The following CDS2 variants were observed in gnomAD, a reference collection of about 807,000 sequenced individuals.
CDS2 encodes CDP-diacylglycerol synthase 2.
A neutral mutation model predicts 59.0 loss-of-function variants in CDS2; 47 were observed. That is an observed-to-expected ratio of 0.80 (90% confidence interval 0.63 to 1.02). The LOEUF (loss-of-function observed/expected upper bound fraction) is 1.02. Ranked by LOEUF, CDS2 falls within the 50% of genes least tolerant of loss-of-function variation. The pLI is 0.00. For missense variants in CDS2, 356 were observed against 558.9 expected (o/e 0.64, Z 3.66); for synonymous variants, 207 against 206.4 (o/e 1.00, Z -0.02).
intron 1 of CDS2, among the ~76,000 whole-genome samples, chr20:5,166,905 G>GA (rs2090917335): frequency 2.6e-5 from 4 of 152,240 alleles, no homozygotes; most frequent in Non-Finnish European, 5.9e-5. Flanking sequence ...GTTTACCCAT[G>GA]AAGTGGGGAA....
At chr20:5,166,169 A>G (rs988021324) in intron 1 of CDS2, among the ~76,000 whole-genome samples, 2 of 152,116 alleles carry the variant, frequency 1.3e-5, no homozygotes, top group African/African-American at 4.8e-5. Context: ...AGGAGGGATG[A>G]TGTTGGCTTG....
At chr20:5,137,195 C>T (rs979338204) in intron 1 of CDS2, among the ~76,000 whole-genome samples, 1 of 151,208 alleles carries the variant, frequency 6.6e-6, no homozygotes, top group African/African-American at 2.4e-5. Context: ...TTGATTCTTG[C>T]TCTTTCCTAC....
chr20:5,160,252 A>C (rs1600491353), intron 1 of CDS2, among the ~76,000 whole-genome samples: 2 of 152,348 alleles, frequency 1.3e-5, no homozygotes, highest in East Asian at 3.9e-4. Flanking sequence ...TTAGCCCTGC[A>C]ACTACTTAAC....
At position 5,184,980 on chromosome 20, in the gene CDS2, G is replaced by A. The variant is rs1303318732; in HGVS notation, c.759+35G>A. Reference sequence around the variant, plus strand: ...TTACCCTAATGTGAAATACCACTGTGAGGGGAGGGTGGTGCTCTCAATGTG... The same window carrying A: ...TTACCCTAATGTGAAATACCACTGTAAGGGGAGGGTGGTGCTCTCAATGTG... On this transcript the variant is annotated intron_variant, in intron 8 of 12. Transcript: ENST00000460006. The surrounding 1 kb of genome is among the most constrained non-coding windows in gnomAD (Gnocchi z 4.3). 6.9e-7 allele frequency: 1 copy of A among 1,457,778 alleles called. No homozygotes were observed. The highest frequency in any genetic ancestry group is 2.3e-5 in the East Asian group (1 of 44,130). 90.3% of individuals were successfully genotyped at this position (1,457,778 alleles called of 1,614,324 possible). A position where few individuals can be genotyped will look rare whatever the true frequency, so the allele number is the denominator to read the frequency against.
intron 1 of CDS2, among the ~76,000 whole-genome samples, chr20:5,150,197 T>C (rs2090777560): frequency 6.6e-6 from 1 of 152,218 alleles, no homozygotes; most frequent in South Asian, 2.1e-4. Context: ...AGGGTGTGGC[T>C]TTGTGTTGGC....
intron 1 of CDS2, chr20:5,168,729 T>C: frequency 2.1e-6 from 1 of 484,402 alleles, no homozygotes; most frequent in East Asian, 5.9e-5. Context: ...AGAGAGTTGA[T>C]AGTGAAAATG....
In CDS2 at chr20:5,193,130, A is replaced by C. The variant is rs1208314465; in HGVS notation, c.*2896A>C. 1.3e-5 allele frequency: 2 copies of C among 152,178 alleles called. No individual in the cohort carries two copies. The highest frequency in any genetic ancestry group is 1.3e-4 in the Admixed American group (2 of 15,288). 9.4% of individuals were successfully genotyped at this position (152,178 alleles called of 1,614,324 possible). The stretch of plus-strand genomic sequence containing the variant: ...CCAGCCCCTGGGAGCTCTGCTCATG[A>C]CCGCTCACAGGGTACCGAGTCTTTG... On this transcript the variant is annotated 3_prime_UTR_variant, in exon 13 of 13. Coordinates refer to ENST00000460006, the MANE Select transcript of CDS2 (RefSeq NM_003818.4).
chr20:5,162,986 A>G (rs528078265), intron 1 of CDS2, among the ~76,000 whole-genome samples: 11 of 152,360 alleles, frequency 7.2e-5, no homozygotes, highest in African/African-American at 2.6e-4. Flanking sequence ...TTTAGTCTCC[A>G]GAGCCTAGGG....
intron 1 of CDS2, chr20:5,168,671 G>T (rs1253146052): frequency 1.9e-6 from 1 of 517,416 alleles, no homozygotes; most frequent in East Asian, 5.5e-5. Context: ...TGTCCAGGAA[G>T]CCTCCCACCA....
At chr20:5,159,969 T>TA (rs1568535397) in intron 1 of CDS2, among the ~76,000 whole-genome samples, 1 of 152,184 alleles carries the variant, frequency 6.6e-6, no homozygotes, top group Admixed American at 6.5e-5. Context: ...CTTATGTTTT[T>TA]AAAAAAGAGG....
At chr20:5,175,571 AG>A (rs1275631221) in intron 3 of CDS2, 1 of 264,162 alleles carries the variant, frequency 3.8e-6, no homozygotes, top group Admixed American at 5.1e-5. Flanking sequence ...GCGGATCACG[AG>A]GTCAGGAGTT....
chr20:5,186,945 A>G (rs2091073986), intron 10 of CDS2, 106 bp downstream of exon 10: 2 of 1,278,778 alleles, frequency 1.6e-6, no homozygotes, highest in African/African-American at 2.9e-5. Flanking sequence ...CCTCCTTCCC[A>G]AAGCTGTAAG....
intron 1 of CDS2, among the ~76,000 whole-genome samples, chr20:5,140,813 G>A (rs1600473101): frequency 6.6e-6 from 1 of 152,210 alleles, no homozygotes; most frequent in African/African-American, 2.4e-5. Flanking sequence ...GAGAAATCTT[G>A]TCATAAAATC....
At chr20:5,155,045 G>A (rs1000617729) in intron 1 of CDS2, among the ~76,000 whole-genome samples, 1 of 152,204 alleles carries the variant, frequency 6.6e-6, no homozygotes, top group African/African-American at 2.4e-5. Flanking sequence ...AGATTGAACC[G>A]CTTAGGACTC....
At chr20:5,136,564 A>G (rs1246344840) in intron 1 of CDS2, among the ~76,000 whole-genome samples, 1 of 152,064 alleles carries the variant, frequency 6.6e-6, no homozygotes, top group African/African-American at 2.4e-5. Flanking sequence ...AGATTTCCCA[A>G]ATTTCAGGAT....
At chr20:5,160,131 T>C (rs2090866026) in intron 1 of CDS2, among the ~76,000 whole-genome samples, 1 of 152,222 alleles carries the variant, frequency 6.6e-6, no homozygotes, top group Admixed American at 6.5e-5. Context: ...GTTTCATCTG[T>C]TGCTGCTGCT....
intron 1 of CDS2, among the ~76,000 whole-genome samples, chr20:5,170,538 C>G (rs1318614096): frequency 6.6e-6 from 1 of 152,226 alleles, no homozygotes; most frequent in Non-Finnish European, 1.5e-5. Context: ...ACCTGTCCCC[C>G]TCCTCCTCTG....
intron 5 of CDS2, among the ~76,000 whole-genome samples, chr20:5,179,564 G>A (rs2091018666): frequency 6.6e-6 from 1 of 152,218 alleles, no homozygotes. Flanking sequence ...TCTGCAGTGG[G>A]ACCGAAACAA....
chr20:5,129,066 G>A (rs2090580891), intron 1 of CDS2, among the ~76,000 whole-genome samples: 1 of 152,072 alleles, frequency 6.6e-6, no homozygotes, highest in Non-Finnish European at 1.5e-5. Flanking sequence ...AGGACCTGAG[G>A]AGCTGTCCAG....
Sources: gnomAD v4.1 joint callset for allele counts (sites outside exome capture counted in the v4.1 genomes callset) on GRCh38, gnomAD v4.1.1 for gene constraint, Gnocchi (gnomAD v3.1) non-coding constraint, MANE v1.5 for transcripts, NCBI Gene and HGNC (gene_info 2026-07-23, HGNC 2026-07-21) for gene names.